The following SNX24 variants were observed in gnomAD, a reference collection of about 807,000 sequenced individuals.
SNX24 encodes sorting nexin 24.
In SNX24, 22 loss-of-function variants were observed where a neutral mutation model predicts 28.7. The ratio of observed to expected loss-of-function variants is 0.77; its 90% confidence interval spans 0.55 to 1.10. SNX24 has a LOEUF of 1.10. Ranked by LOEUF, SNX24 falls within the 50% of genes least tolerant of loss-of-function variation. SNX24 has a pLI of 0.00. For synonymous variants in SNX24, 69 were observed against 71.5 expected (o/e 0.96, Z 0.18); for missense variants, 221 against 201.1 (o/e 1.10, Z -0.60).
chr5:123,023,903 G>T (rs1459263781), intron 5 of SNX24: 1 of 1,613,168 alleles, frequency 6.2e-7, no homozygotes, highest in African/African-American at 1.3e-5. Flanking sequence ...AACCACAAAA[G>T]GCGTTTTCAC....
At chr5:123,012,893 G>A (rs1358780008), downstream of SNX24, among the ~76,000 whole-genome samples, 1 of 152,186 alleles carries the variant, frequency 6.6e-6, no homozygotes, top group Non-Finnish European at 1.5e-5. Flanking sequence ...TCTGGCCAGA[G>A]ACCTGTCCTT....
chr5:123,007,735 C>G lies in SNX24; in HGVS notation c.496C>G (p.Leu166Val), dbSNP rs755855925. ...GVLHGIFYPH[L>V]QPR ...CCTCCATGGGATATTTTACCCTCAT[C>G]TACAGCCCAGGTAGAAATCCTACAT... The change falls in exon 7 of 7, where the codon CTA becomes GTA. Residue 166 changes from leucine to valine, a missense_variant. Physicochemically the swap from Leu to Val is conservative, Grantham distance 32 (BLOSUM62 1). Transcript: ENST00000261369. The G allele has an allele frequency of 1.9e-6, 3 of 1,596,450 alleles. No homozygotes were observed. The highest frequency in any genetic ancestry group is 2.2e-5 in the East Asian group (1 of 44,560).
At chr5:122,923,439 T>G (rs183151147) in intron 1 of SNX24, among the ~76,000 whole-genome samples, 11 of 152,288 alleles carry the variant, frequency 7.2e-5, no homozygotes, top group African/African-American at 2.4e-4. Flanking sequence ...TACTTTCCTC[T>G]TGTAAGTGGG....
At chr5:122,887,503 T>C (rs1756770933) in intron 1 of SNX24, among the ~76,000 whole-genome samples, 1 of 152,214 alleles carries the variant, frequency 6.6e-6, no homozygotes, top group Non-Finnish European at 1.5e-5. Context: ...TGTCAGCTCT[T>C]AGAACTACTT....
chr5:122,853,690 G>A (rs1328558993), intron 1 of SNX24: 3 of 404,658 alleles, frequency 7.4e-6, no homozygotes, highest in Non-Finnish European at 1.5e-5. Context: ...GTCTTGCAGT[G>A]TTGCCCAGGC....
At chr5:122,932,294 G>A (rs1490166688) in intron 1 of SNX24, among the ~76,000 whole-genome samples, 2 of 152,116 alleles carry the variant, frequency 1.3e-5, no homozygotes, top group Non-Finnish European at 2.9e-5. Flanking sequence ...ATACAGAGGG[G>A]ATTTCTGGAA....
intron 3 of SNX24, among the ~76,000 whole-genome samples, chr5:122,985,627 A>T (rs983160873): frequency 3.3e-5 from 5 of 152,216 alleles, no homozygotes; most frequent in African/African-American, 1.2e-4. Flanking sequence ...TCCCTTGCTT[A>T]ATTTCCTATC....
intron 3 of SNX24, among the ~76,000 whole-genome samples, chr5:122,985,198 T>C (rs1761548579): frequency 6.6e-6 from 1 of 152,200 alleles, no homozygotes; most frequent in Admixed American, 6.5e-5. Context: ...TCCTCCTTGG[T>C]TGAGTCTTAT....
intron 2 of SNX24, among the ~76,000 whole-genome samples, chr5:122,941,103 T>C (rs760528815): frequency 1.2e-4 from 18 of 152,220 alleles, no homozygotes; most frequent in Non-Finnish European, 2.2e-4. Context: ...CCAGATGCTA[T>C]GACACCATAA....
intron 3 of SNX24, among the ~76,000 whole-genome samples, chr5:122,998,021 T>G (rs1762111559): frequency 6.6e-6 from 1 of 152,182 alleles, no homozygotes. Flanking sequence ...CTTTTTGAGT[T>G]ACAGGCACTG....
chr5:122,959,998 G>A (rs30063), intron 3 of SNX24, among the ~76,000 whole-genome samples: 122,584 of 152,072 alleles, frequency 0.81, 50,175 homozygotes, highest in East Asian at 0.99. Context: ...ATTTTCCTCC[G>A]AAGTAGGCTG....
rs1561638412 is a variant in SNX24 at position 122,946,143 on chromosome 5, T to C, written c.233T>C (p.Leu78Ser). The change falls in exon 3 of 7, where the codon TTG becomes TCG. Residue 78 changes from leucine to serine, a missense_variant. Physicochemically the swap from Leu to Ser is moderately radical, Grantham distance 145 (BLOSUM62 -2). Transcript: ENST00000261369. ...GTCTTGGAACAGCGACGACAAGGCT[T>C]GGAAACATACTTACAGGTAAGATAT... is the stretch of plus-strand genomic sequence containing the variant. ...PKVLEQRRQG[L>S]ETYLQAVILE... 6.3e-7 allele frequency: 1 copy of C among 1,598,880 alleles called. No homozygotes were observed. Among genetic ancestry groups the C allele is most frequent in the African/African-American group, 1.3e-5 (1 of 74,584 alleles).
chr5:123,012,278 A>G (rs1464356385), downstream of SNX24, among the ~76,000 whole-genome samples: 1 of 152,224 alleles, frequency 6.6e-6, no homozygotes, highest in Non-Finnish European at 1.5e-5. Context: ...CATAGCATAT[A>G]TTCATAGTAG....
At chr5:122,913,626 G>A (rs1349539918) in intron 1 of SNX24, among the ~76,000 whole-genome samples, 7 of 152,062 alleles carry the variant, frequency 4.6e-5, no homozygotes, top group Admixed American at 1.3e-4. Context: ...CTTCTCAGAC[G>A]GGGCGGCTGC....
intron 1 of SNX24, among the ~76,000 whole-genome samples, chr5:122,860,268 A>T (rs762496383): frequency 5.3e-5 from 8 of 152,188 alleles, no homozygotes; most frequent in Admixed American, 1.3e-4. Flanking sequence ...GGGTTAAATA[A>T]AACCCATCTG....
intron 1 of SNX24, among the ~76,000 whole-genome samples, chr5:122,911,136 T>C (rs1186639736): frequency 2.6e-5 from 4 of 152,192 alleles, no homozygotes; most frequent in African/African-American, 4.8e-5. Flanking sequence ...ACTTGTTGTT[T>C]CCTGACTTTT....
chr5:122,848,973 G>A (rs1754777411), intron 1 of SNX24, among the ~76,000 whole-genome samples: 1 of 152,130 alleles, frequency 6.6e-6, no homozygotes, highest in South Asian at 2.1e-4. Context: ...TTGATATGGA[G>A]AGGTCTGCCT....
intron 3 of SNX24, among the ~76,000 whole-genome samples, chr5:122,988,748 T>C (rs1347879729): frequency 1.3e-5 from 2 of 152,254 alleles, no homozygotes; most frequent in Non-Finnish European, 2.9e-5. Flanking sequence ...TTTCTTTGTT[T>C]AGGTTCATCT....
chr5:122,855,740 A>G (rs1050474121), intron 1 of SNX24, among the ~76,000 whole-genome samples: 6 of 152,208 alleles, frequency 3.9e-5, no homozygotes, highest in African/African-American at 1.4e-4. Context: ...TTAGGAGTAG[A>G]TTCCATCTCA....
Sources: allele counts gnomAD v4.1 joint callset (sites outside exome capture counted in the v4.1 genomes callset), GRCh38; gene constraint gnomAD v4.1.1; transcripts MANE v1.5; gene names NCBI Gene and HGNC (gene_info 2026-07-23, HGNC 2026-07-21).